The following ROBO1 variants were observed in gnomAD, a reference collection of about 807,000 sequenced individuals.
ROBO1 encodes the protein roundabout guidance receptor 1, also known as roundabout homolog 1.
A neutral mutation model predicts 195.9 loss-of-function variants in ROBO1; 149 were observed. The ratio of observed to expected loss-of-function variants is 0.76; its 90% CI spans 0.67 to 0.87. The LOEUF (loss-of-function observed/expected upper bound fraction) is 0.87, where lower values mean the gene tolerates loss of function less well. ROBO1 is among the 40% of genes least tolerant of loss of function. The probability of loss-of-function intolerance (pLI) is 0.00; values close to 1 mark genes in which losing one functional copy is unlikely to be tolerated. For synonymous variants in ROBO1, 816 were observed against 733.2 expected (o/e 1.11, Z -1.82); for missense variants, 1,933 against 2,068.3 (o/e 0.93, Z 1.27).
intron 4 of ROBO1, among the ~76,000 whole-genome samples, chr3:78,779,011 T>C (rs531316953): frequency 2.0e-5 from 3 of 152,252 alleles, no homozygotes; most frequent in South Asian, 4.2e-4. Flanking sequence ...GGGGAAAGGA[T>C]TCCCTATTTA....
chr3:79,664,486 C>T (rs1204643944), intron 1 of ROBO1, among the ~76,000 whole-genome samples: 1 of 152,006 alleles, frequency 6.6e-6, no homozygotes, highest in African/African-American at 2.4e-5. Context: ...CTACATCTTC[C>T]CCTCCTAACT....
chr3:78,692,513 C>A (rs538159424), intron 8 of ROBO1, among the ~76,000 whole-genome samples: 2 of 152,112 alleles, frequency 1.3e-5, no homozygotes, highest in Admixed American at 6.5e-5. Context: ...TCAAATTATT[C>A]ACCCACCTCG....
chr3:79,054,460 A>G (rs961406730), intron 3 of ROBO1, among the ~76,000 whole-genome samples: 22 of 152,068 alleles, frequency 1.4e-4, no homozygotes, highest in African/African-American at 5.1e-4. Context: ...CATTCCATCC[A>G]ATGACAAAAT....
rs1190551339 is a variant in ROBO1, at chr3:78,939,027, T to C, written c.173-100A>G. The C allele has an allele frequency of 2.9e-6, 3 of 1,046,012 alleles. No homozygotes were observed. The Admixed American group carries it at 7.8e-5, about 27-fold the overall frequency. 64.8% of individuals were successfully genotyped at this position (1,046,012 alleles called of 1,614,324 possible). On this transcript the variant is annotated intron_variant, in intron 3 of 30. Coordinates refer to ENST00000464233, the MANE Select transcript of ROBO1 (RefSeq NM_002941.4). ...TAACCATTACTATTTAAACACTGCA[T>C]AACATTGGCCTAGCCTTCCTACCCT... is the stretch of plus-strand genomic sequence containing the variant.
intron 3 of ROBO1, among the ~76,000 whole-genome samples, chr3:79,031,319 T>A (rs540060852): frequency 1.3e-5 from 2 of 152,294 alleles, no homozygotes; most frequent in Non-Finnish European, 2.9e-5. Context: ...TATATATGTG[T>A]ACTTTGAGAT....
At chr3:79,023,769 C>T (rs1409869216) in intron 3 of ROBO1, among the ~76,000 whole-genome samples, 8 of 134,300 alleles carry the variant, frequency 6.0e-5, no homozygotes, top group African/African-American at 1.1e-4. Context: ...GTGGTGCGAT[C>T]TCGGCTCACT....
In ROBO1 at chr3:79,307,041, C is replaced by CTCTTAGT. The variant is rs1309509286; in HGVS notation, c.89-181509_89-181503dup. On this transcript the variant is annotated intron_variant, in intron 2 of 30. Transcript: ENST00000464233. ...AAGCAAATGGAAGAGAATGCTTATT[C>CTCTTAGT]TCTTAGTTCTTAGTTCTTCAGGAAA... is the stretch of plus-strand genomic sequence containing the variant. 2.0e-5 allele frequency among the ~76,000 whole-genome samples: 3 copies of CTCTTAGT among 150,538 alleles called. No individual in the cohort carries two copies. The East Asian group carries it at 5.9e-4, about 30-fold the overall frequency.
intron 10 of ROBO1, among the ~76,000 whole-genome samples, chr3:78,675,372 C>T (rs929910134): frequency 6.6e-6 from 1 of 152,144 alleles, no homozygotes; most frequent in African/African-American, 2.4e-5. Context: ...GGCATTGCCT[C>T]ACTCGGGAAG....
intron 10 of ROBO1, among the ~76,000 whole-genome samples, chr3:78,676,579 T>C (rs1039625156): frequency 6.6e-6 from 1 of 151,912 alleles, no homozygotes; most frequent in African/African-American, 2.4e-5. Flanking sequence ...GTATCAGTGA[T>C]GGAAGATGAA....
Position 79,211,235 on chromosome 3 carries a change from A to G in ROBO1, c.89-85696T>C, listed in dbSNP as rs552374596. On this transcript the variant is annotated intron_variant, in intron 2 of 30. Transcript: ENST00000464233. Reference sequence around the variant, plus strand: ...ATCAAGTCAAGTGGTACTGAAATCCATATCATTAGGCTGTCTGGTTGTTAT... The same window carrying G: ...ATCAAGTCAAGTGGTACTGAAATCCGTATCATTAGGCTGTCTGGTTGTTAT... 2.0e-5 allele frequency among the ~76,000 whole-genome samples: 3 copies of G among 152,212 alleles called. No homozygotes were observed. The East Asian group carries it at 5.8e-4, about 29-fold the overall frequency.
chr3:78,963,569 A>G, intron 3 of ROBO1, among the ~76,000 whole-genome samples: 1 of 112,172 alleles, frequency 8.9e-6, no homozygotes, highest in Middle Eastern at 8.9e-3. Flanking sequence ...CCCAGGCTGG[A>G]GTGCAGTGGC....
intron 2 of ROBO1, among the ~76,000 whole-genome samples, chr3:79,290,386 G>C (rs2032173436): frequency 6.6e-6 from 1 of 152,008 alleles, no homozygotes; most frequent in African/African-American, 2.4e-5. Context: ...GTCTTGTAAG[G>C]ACACAGATGT....
chr3:79,113,572 A>G (rs1303011993), intron 3 of ROBO1, among the ~76,000 whole-genome samples: 1 of 152,110 alleles, frequency 6.6e-6, no homozygotes, highest in Non-Finnish European at 1.5e-5. Context: ...GTTCGAGTCC[A>G]GCCTGACCAA....
chr3:78,947,041 C>A (rs866067316), intron 3 of ROBO1, among the ~76,000 whole-genome samples: 7 of 152,128 alleles, frequency 4.6e-5, no homozygotes, highest in African/African-American at 1.4e-4. Flanking sequence ...TAGTGACCTA[C>A]AAAGAGACTT....
At chr3:79,702,293 A>T (rs1480932316) in intron 1 of ROBO1, among the ~76,000 whole-genome samples, 3 of 151,934 alleles carry the variant, frequency 2.0e-5, no homozygotes, top group Non-Finnish European at 4.4e-5. Context: ...TCTAATTGGC[A>T]TAAATGGGTA....
chr3:78,922,325 C>G (rs1271231741), intron 4 of ROBO1, among the ~76,000 whole-genome samples: 1 of 151,788 alleles, frequency 6.6e-6, no homozygotes, highest in Non-Finnish European at 1.5e-5. Context: ...TCATTTCTGC[C>G]AAAAATGATC....
intron 2 of ROBO1, among the ~76,000 whole-genome samples, chr3:79,440,087 T>G (rs1230999589): frequency 6.6e-6 from 1 of 152,082 alleles, no homozygotes; most frequent in African/African-American, 2.4e-5. Context: ...TCTCTCGTTA[T>G]CTACACATCT....
rs549208564 is a variant in ROBO1, at chr3:78,938,882, T to C, written c.218A>G (p.His73Arg). The C allele has an allele frequency of 3.7e-6, 6 of 1,613,136 alleles. No homozygotes were observed. Among genetic ancestry groups the C allele is most frequent in the Non-Finnish European group, 5.1e-6 (6 of 1,179,508 alleles). The change falls in exon 4 of 31, where the codon CAC becomes CGC. Residue 73 changes from histidine (H) to arginine (R), a missense_variant. Coordinates refer to ENST00000464233, the MANE Select transcript of ROBO1 (RefSeq NM_002941.4). ...TTTTGAGACAATCAGGTCTGAAGGGTGTTCAACAATGCGAGGTGGAAAATC... is the reference window on the plus strand; with the variant it reads ...TTTTGAGACAATCAGGTCTGAAGGGCGTTCAACAATGCGAGGTGGAAAATC... Reference protein sequence around the residue: ...QEDFPPRIVEHPSDLIVSKGE... With the variant: ...QEDFPPRIVERPSDLIVSKGE...
At chr3:79,106,292 A>C (rs978092088) in intron 3 of ROBO1, among the ~76,000 whole-genome samples, 14 of 151,652 alleles carry the variant, frequency 9.2e-5, no homozygotes, top group Non-Finnish European at 5.9e-5. Context: ...AAAAAGCTAC[A>C]TGTTTTATTA....
Sources: allele counts gnomAD v4.1 joint callset (sites outside exome capture counted in the v4.1 genomes callset), GRCh38; gene constraint gnomAD v4.1.1; transcripts MANE v1.5; gene names NCBI Gene and HGNC (gene_info 2026-07-23, HGNC 2026-07-21).